Variants in SEZ6L observed in about 807,000 individuals in gnomAD.
SEZ6L encodes seizure related 6 homolog like.
SEZ6L carries 37 observed loss-of-function variants against 106.2 expected under a neutral mutation model. That is an observed-to-expected ratio of 0.35 (90% CI 0.27 to 0.46). The LOEUF (loss-of-function observed/expected upper bound fraction) is 0.46. SEZ6L is among the 20% of genes least tolerant of loss of function. SEZ6L has a pLI of 1.00. For missense variants in SEZ6L, 1,172 were observed against 1,332.8 expected (o/e 0.88, Z 1.88); for synonymous variants, 541 against 570.4 (o/e 0.95, Z 0.73).
At chr22:26,348,703 A>AAAGAAAGAAAGCAAGCAAGCAAGC (rs1207033331) in intron 11 of SEZ6L, among the ~76,000 whole-genome samples, 1 of 41,480 alleles carries the variant, frequency 2.4e-5, no homozygotes, top group African/African-American at 1.1e-4. Context: ...AGAAAGAAAG[A>AAAGAAAGAAAGCAAGCAAGCAAGC]AGGCAAGGGA....
chr22:26,263,347 G>T (rs778864843), intron 1 of SEZ6L, among the ~76,000 whole-genome samples: 3 of 152,200 alleles, frequency 2.0e-5, no homozygotes, highest in Non-Finnish European at 4.4e-5. Context: ...TGCATGTGAC[G>T]GCTAATGGAG....
At position 26,348,699 on chromosome 22, in the gene SEZ6L, A is replaced by G. The variant is rs192815497; in HGVS notation, c.2407+786A>G. Among the ~76,000 whole-genome samples, 400 of 67,160 alleles carry G rather than the reference A, an allele frequency of 6.0e-3. 4 individuals are homozygous for G. Among genetic ancestry groups the G allele is most frequent in the South Asian group, 9.5e-3 (11 of 1,156 alleles). 44.1% of individuals were successfully genotyped at this position (67,160 alleles called of 152,430 possible). ...GAAAGAAAGAAAGAAAGAAAGAAAG[A>G]AAGAAGGCAAGGGAGGGAAGGGAGG... On this transcript the variant is annotated intron_variant, in intron 11 of 16. Transcript: ENST00000248933.
chr22:26,373,843 A>G (rs1335391264), intron 14 of SEZ6L, among the ~76,000 whole-genome samples: 1 of 152,182 alleles, frequency 6.6e-6, no homozygotes, highest in Non-Finnish European at 1.5e-5. Context: ...TTCCATGCTG[A>G]GAGTCCTCCT....
intron 1 of SEZ6L, among the ~76,000 whole-genome samples, chr22:26,287,396 CT>C (rs1569444662): frequency 1.3e-5 from 2 of 152,138 alleles, no homozygotes; most frequent in Admixed American, 6.5e-5. Context: ...ACACCCAACA[CT>C]TTGATTGATT....
chr22:26,293,037 G>T lies in SEZ6L; in HGVS notation c.726G>T (p.Leu242=), dbSNP rs771773969. 4.3e-6 allele frequency: 7 copies of T among 1,614,014 alleles called. No homozygotes were observed. The highest frequency in any genetic ancestry group is 2.2e-5 in the South Asian group (2 of 91,088). Residue 242 remains leucine, a synonymous_variant, in exon 2 of 17, where the codon CTG becomes CTT. Coordinates refer to ENST00000248933, the MANE Select transcript of SEZ6L (RefSeq NM_021115.5). ...APQEDTSPMA[L]MDKGENELTG... is the part of the protein sequence containing the mutation. The stretch of plus-strand genomic sequence containing the variant: ...AGGAGGACACCAGCCCCATGGCCCT[G>T]ATGGACAAAGGTGAGAATGAGCTGA...
At chr22:26,193,939 G>T (rs1275853759) in intron 1 of SEZ6L, among the ~76,000 whole-genome samples, 2 of 152,180 alleles carry the variant, frequency 1.3e-5, no homozygotes, top group Admixed American at 6.5e-5. Flanking sequence ...AGGCTGGGGG[G>T]AGGTTCTGTG....
In SEZ6L at chr22:26,292,990, G is replaced by C. The variant is rs147999138; in HGVS notation, c.679G>C (p.Asp227His). ...QRPEPGEPGPDMAQEAPQEDT... is the reference protein window; with the variant it reads ...QRPEPGEPGPHMAQEAPQEDT... Reference sequence around the variant, plus strand: ...GCCAGAACCCGGGGAGCCTGGGCCTGACATGGCCCAGGAGGCCCCCCAGGA... The same window carrying C: ...GCCAGAACCCGGGGAGCCTGGGCCTCACATGGCCCAGGAGGCCCCCCAGGA... Residue 227 changes from aspartate (D) to histidine (H), a missense_variant, in exon 2 of 17, where the codon GAC becomes CAC. Asp to His is a moderately conservative substitution (Grantham distance 81). Coordinates refer to ENST00000248933, the MANE Select transcript of SEZ6L (RefSeq NM_021115.5). 3.9e-5 allele frequency: 63 copies of C among 1,614,020 alleles called. No homozygotes were observed. The African/African-American group carries it at 6.7e-4, about 17-fold the overall frequency.
intron 1 of SEZ6L, among the ~76,000 whole-genome samples, chr22:26,206,871 G>A (rs995306479): frequency 6.6e-6 from 1 of 152,214 alleles, no homozygotes; most frequent in Non-Finnish European, 1.5e-5. Flanking sequence ...TGGCATTGAA[G>A]TATTGGACTT....
intron 10 of SEZ6L, among the ~76,000 whole-genome samples, chr22:26,342,861 C>A (rs999834475): frequency 3.3e-5 from 5 of 152,156 alleles, no homozygotes; most frequent in African/African-American, 9.7e-5. Context: ...AAACAAGCTA[C>A]CCCCTTGACC....
intron 1 of SEZ6L, among the ~76,000 whole-genome samples, chr22:26,264,852 A>C (rs1012914415): frequency 8.5e-5 from 13 of 152,192 alleles, no homozygotes; most frequent in Non-Finnish European, 1.8e-4. Context: ...TTGGGATGTG[A>C]AGTTTGGAGT....
In SEZ6L at chr22:26,310,790, G is replaced by C. The variant is rs368332411; in HGVS notation, c.1635G>C (p.Thr545=). 217 of 1,614,116 alleles carry C rather than the reference G, an allele frequency of 1.3e-4. 8 individuals are homozygous for C. The South Asian group carries it at 1.8e-3, about 14-fold the overall frequency. Residue 545 remains threonine, a synonymous_variant, in exon 7 of 17, where the codon ACG becomes ACC. Coordinates refer to ENST00000248933, the MANE Select transcript of SEZ6L (RefSeq NM_021115.5). The part of the protein sequence containing the change: ...SEGNTIRIEF[T]SDQARAASTF... ...GCAACACCATCCGCATCGAGTTCAC[G>C]TCCGACCAGGCCCGGGCGGCCTCCA...
At chr22:26,271,659 G>A (rs748903223) in intron 1 of SEZ6L, among the ~76,000 whole-genome samples, 2 of 152,144 alleles carry the variant, frequency 1.3e-5, no homozygotes, top group Non-Finnish European at 2.9e-5. Flanking sequence ...TGTTCTTGCC[G>A]TGTGATGTGA....
intron 1 of SEZ6L, among the ~76,000 whole-genome samples, chr22:26,262,278 A>C (rs1056993681): frequency 6.6e-6 from 1 of 151,370 alleles, no homozygotes; most frequent in Non-Finnish European, 1.5e-5. Context: ...CTATCTATCT[A>C]TCTATCTCTT....
chr22:26,333,776 CT>C (rs1327083374), intron 9 of SEZ6L, among the ~76,000 whole-genome samples: 3 of 152,164 alleles, frequency 2.0e-5, no homozygotes, highest in Non-Finnish European at 4.4e-5. Flanking sequence ...AGCACAAGGG[CT>C]GCAGGCCAGA....
At chr22:26,260,572 C>T (rs2079968782) in intron 1 of SEZ6L, among the ~76,000 whole-genome samples, 1 of 151,990 alleles carries the variant, frequency 6.6e-6, no homozygotes, top group Admixed American at 6.6e-5. Context: ...TACATATAGG[C>T]ATAGATATAG....
chr22:26,348,652 A>AAGAAAAAGAAAGAAAGAAAG (rs2083127537), intron 11 of SEZ6L, among the ~76,000 whole-genome samples: 1 of 44,858 alleles, frequency 2.2e-5, no homozygotes, highest in African/African-American at 1.0e-4. Context: ...AAGAAAAAGA[A>AAGAAAAAGAAAGAAAGAAAG]AGAAAGAAAG....
intron 1 of SEZ6L, among the ~76,000 whole-genome samples, chr22:26,228,534 G>T (rs186763045): frequency 5.9e-5 from 9 of 152,188 alleles, no homozygotes; most frequent in Non-Finnish European, 1.3e-4. Context: ...GGACAAAACC[G>T]TTCAGCCCTC....
intron 1 of SEZ6L, among the ~76,000 whole-genome samples, chr22:26,276,322 G>C: frequency 6.6e-6 from 1 of 152,186 alleles, no homozygotes; most frequent in Admixed American, 6.5e-5. Context: ...TTTGCTCAAG[G>C]TCACATGGCA....
chr22:26,314,606 T>G (rs1569459266), intron 9 of SEZ6L, among the ~76,000 whole-genome samples: 1 of 146,750 alleles, frequency 6.8e-6, no homozygotes, highest in East Asian at 1.9e-4. Flanking sequence ...TGAAAAAAAA[T>G]GTTTTTAATG....
Sources: allele counts gnomAD v4.1 joint callset (sites outside exome capture counted in the v4.1 genomes callset), GRCh38; gene constraint gnomAD v4.1.1; transcripts MANE v1.5; gene names NCBI Gene and HGNC (gene_info 2026-07-23, HGNC 2026-07-21).